The following MYO16 variants were observed in gnomAD, a reference collection of about 807,000 sequenced individuals.
MYO16 encodes the protein unconventional myosin-XVI.
A neutral mutation model predicts 205.3 loss-of-function variants in MYO16; 94 were observed. That is an observed-to-expected ratio of 0.46 (90% CI 0.39 to 0.54). The LOEUF (loss-of-function observed/expected upper bound fraction) is 0.54. Among genes scored for constraint, MYO16 ranks in the 20% least tolerant of loss-of-function variants. The pLI, the probability that MYO16 is intolerant of heterozygous loss-of-function variation, is 0.00. For synonymous variants in MYO16, 988 were observed against 954.0 expected (o/e 1.04, Z -0.66); for missense variants, 2,315 against 2,387.5 (o/e 0.97, Z 0.63).
At position 108,972,351 on chromosome 13, in the gene MYO16, CATATATATATATATATATATATATATAT is replaced by C. The variant is rs869041443; in HGVS notation, c.2369+7469_2369+7496del. Among the ~76,000 whole-genome samples the C allele has an allele frequency of 6.9e-4, 12 of 17,456 alleles. 1 individual carries two copies. The South Asian group carries it at 0.016, about 23-fold the overall frequency. 11.5% of individuals were successfully genotyped at this position (17,456 alleles called of 152,430 possible). On this transcript the variant is annotated intron_variant, in intron 20 of 34. Transcript: ENST00000457511. ...CCATCTATATATATATATATATAGC[CATATATATATATATATATATATATATAT>C]ATATATATATATATATATAGTGGCT... is the stretch of plus-strand genomic sequence containing the variant.
intron 22 of MYO16, among the ~76,000 whole-genome samples, chr13:109,013,103 A>ACCCC (rs1248419494): frequency 4.4e-3 from 64 of 14,612 alleles, no homozygotes; most frequent in Middle Eastern, 0.025. Context: ...TCCTAATGCT[A>ACCCC]CCCCTCCCCC....
chr13:108,542,203 C>A, the MYO16 span, among the ~76,000 whole-genome samples: 6 of 152,018 alleles, frequency 3.9e-5, no homozygotes, highest in Admixed American at 3.9e-4. Flanking sequence ...TCATCCTTAA[C>A]AAACTAACAC....
intron 4 of MYO16, among the ~76,000 whole-genome samples, chr13:108,750,655 A>T (rs964287455): frequency 3.3e-5 from 5 of 151,904 alleles, no homozygotes; most frequent in African/African-American, 1.2e-4. Flanking sequence ...GAAAAAAAGA[A>T]AATTAGCCAA....
intron 4 of MYO16, among the ~76,000 whole-genome samples, chr13:108,745,663 G>A (rs1008745957): frequency 6.6e-6 from 1 of 151,726 alleles, no homozygotes; most frequent in African/African-American, 2.4e-5. Flanking sequence ...CATGTCAAAA[G>A]GCAAGGAAAA....
chr13:108,662,564 G>A (rs779553665), intron 1 of MYO16, among the ~76,000 whole-genome samples: 2 of 152,180 alleles, frequency 1.3e-5, no homozygotes, highest in East Asian at 3.9e-4. Flanking sequence ...GGGAACTGGG[G>A]GAAAGCCGGC....
At chr13:108,806,324 C>T (rs1887111516) in intron 6 of MYO16, among the ~76,000 whole-genome samples, 1 of 152,158 alleles carries the variant, frequency 6.6e-6, no homozygotes, top group Admixed American at 6.5e-5. Flanking sequence ...TAGAGCTAAT[C>T]AGCAAATATT....
At chr13:109,147,792 T>TG (rs1238759204) in intron 32 of MYO16, among the ~76,000 whole-genome samples, 1 of 152,088 alleles carries the variant, frequency 6.6e-6, no homozygotes, top group Non-Finnish European at 1.5e-5. Context: ...TCATACAAAG[T>TG]GGGGCGCTCC....
intron 5 of MYO16, among the ~76,000 whole-genome samples, chr13:108,788,356 G>T (rs142188816): frequency 6.6e-6 from 1 of 152,106 alleles, no homozygotes; most frequent in Non-Finnish European, 1.5e-5. Flanking sequence ...AGAGCTGATG[G>T]AGCATTTGAT....
chr13:108,771,651 A>C (rs983770348), intron 4 of MYO16, among the ~76,000 whole-genome samples: 1 of 151,048 alleles, frequency 6.6e-6, no homozygotes, highest in African/African-American at 2.5e-5. Flanking sequence ...TCCGTTGATC[A>C]CCACCCGACC....
chr13:108,592,801 A>G (rs563156925), upstream of MYO16, among the ~76,000 whole-genome samples: 6 of 151,418 alleles, frequency 4.0e-5, no homozygotes, highest in East Asian at 7.8e-4. Context: ...AAGCTTTGAT[A>G]CGAGCACAGG....
At chr13:109,054,978 C>A in intron 25 of MYO16, 68 bp from the exon 26 acceptor site, 3 of 972,950 alleles carry the variant, frequency 3.1e-6, no homozygotes, top group Non-Finnish European at 4.6e-6. Context: ...CCCTCCTTTT[C>A]CTCCTTCTTC....
At chr13:109,052,695 G>A (rs906228993) in intron 25 of MYO16, among the ~76,000 whole-genome samples, 3 of 151,964 alleles carry the variant, frequency 2.0e-5, no homozygotes, top group East Asian at 3.9e-4. Flanking sequence ...AGTATAGTCC[G>A]AGTCATTTTA....
chr13:108,757,908 G>A lies in MYO16; in HGVS notation c.508-27727G>A, dbSNP rs575520712. Among the ~76,000 whole-genome samples, 5 of 152,328 alleles carry A rather than the reference G, an allele frequency of 3.3e-5. No individual in the cohort carries two copies. In the East Asian group the frequency reaches 7.7e-4, roughly 23 times the overall value. ...TATGTATGCGACACAATGCCTGGAT[G>A]CTATGGTCTGAATGTTTGTGTCCCT... On this transcript the variant is annotated intron_variant, in intron 4 of 34. Transcript: ENST00000457511.
At chr13:109,021,293 T>C (rs1404895883) in intron 23 of MYO16, among the ~76,000 whole-genome samples, 2 of 152,164 alleles carry the variant, frequency 1.3e-5, no homozygotes, top group African/African-American at 4.8e-5. Context: ...TACAGCCTTA[T>C]CTTAGATCAG....
chr13:108,766,161 T>C (rs1170048661), intron 4 of MYO16, among the ~76,000 whole-genome samples: 1 of 152,190 alleles, frequency 6.6e-6, no homozygotes, highest in Non-Finnish European at 1.5e-5. Flanking sequence ...TAGTTTTTTC[T>C]CTGTGAAAAC....
chr13:109,094,558 G>A (rs1888719183), intron 27 of MYO16, among the ~76,000 whole-genome samples: 1 of 152,130 alleles, frequency 6.6e-6, no homozygotes, highest in Non-Finnish European at 1.5e-5. Context: ...TAAGCTCTGG[G>A]ATACATGTAC....
At chr13:108,770,835 A>G (rs1254703482) in intron 4 of MYO16, among the ~76,000 whole-genome samples, 1 of 152,206 alleles carries the variant, frequency 6.6e-6, no homozygotes, top group African/African-American at 2.4e-5. Context: ...TGGTGAGATC[A>G]GCCCCTACCT....
intron 12 of MYO16, among the ~76,000 whole-genome samples, chr13:108,871,663 T>G (rs1879072354): frequency 6.6e-6 from 1 of 152,174 alleles, no homozygotes; most frequent in African/African-American, 2.4e-5. Flanking sequence ...AACCCTGAAC[T>G]TGGATTTTTG....
chr13:108,892,115 T>C (rs1880205420), intron 14 of MYO16, among the ~76,000 whole-genome samples: 1 of 152,228 alleles, frequency 6.6e-6, no homozygotes, highest in African/African-American at 2.4e-5. Flanking sequence ...TGTAGACTTT[T>C]CTCTTTAAAA....
Sources: allele counts gnomAD v4.1 joint callset (sites outside exome capture counted in the v4.1 genomes callset), GRCh38; gene constraint gnomAD v4.1.1; transcripts MANE v1.5; gene names NCBI Gene and HGNC (gene_info 2026-07-23, HGNC 2026-07-21).